Variants in PDE8B observed in about 807,000 individuals in gnomAD.
PDE8B encodes phosphodiesterase 8B.
A neutral mutation model predicts 101.3 loss-of-function variants in PDE8B; 26 were observed. That is an observed-to-expected ratio of 0.26 (90% CI 0.19 to 0.36). The LOEUF (loss-of-function observed/expected upper bound fraction) is 0.36, where lower values mean the gene tolerates loss of function less well. Among genes scored for constraint, PDE8B ranks in the 10% least tolerant of loss-of-function variants. The pLI is 1.00. For missense variants in PDE8B, 810 were observed against 1,163.1 expected (o/e 0.70, Z 4.42); for synonymous variants, 424 against 429.3 (o/e 0.99, Z 0.15).
At position 77,271,229 on chromosome 5, in the gene PDE8B, T is replaced by C. The variant is rs148224949; in HGVS notation, c.340-40765T>C. Among the ~76,000 whole-genome samples the C allele has an allele frequency of 3.9e-4, 60 of 152,352 alleles. No individual in the cohort carries two copies. The East Asian group carries it at 0.011, about 28-fold the overall frequency. On this transcript the variant is annotated intron_variant, in intron 1 of 21. Transcript: ENST00000264917. ...ACATATGGTTCCTTTTCTTTCTTCTTTGTCTTACTTGTCCTTTAAAACCTC... is the reference window on the plus strand; with the variant it reads ...ACATATGGTTCCTTTTCTTTCTTCTCTGTCTTACTTGTCCTTTAAAACCTC...
Position 77,425,815 on chromosome 5 carries a change from G to C in PDE8B, c.2467G>C (p.Asp823His). The change falls in exon 21 of 22, where the codon GAC becomes CAC. Residue 823 changes from aspartate to histidine, a missense_variant. This residue lies in a region of PDE8B where 325 missense variants were observed against 560.9 expected (regional missense o/e 0.58). Transcript: ENST00000264917. The stretch of plus-strand genomic sequence containing the variant: ...ACTACCTGTGGTGATGCCAGTGTTT[G>C]ACCGGAATACCTGTAGCATCCCCAA... ...QGLPVVMPVF[D>H]RNTCSIPKSQ... 1.2e-6 allele frequency: 2 copies of C among 1,613,110 alleles called. No individual in the cohort carries two copies. Among genetic ancestry groups the C allele is most frequent in the Non-Finnish European group, 1.7e-6 (2 of 1,179,086 alleles).
chr5:77,148,653 G>A, the PDE8B span: 1 of 152,110 alleles, frequency 6.6e-6, no homozygotes, highest in Non-Finnish European at 1.5e-5. Context: ...CTTTGCATAT[G>A]CTTGTTAGCC....
intron 2 of PDE8B, among the ~76,000 whole-genome samples, chr5:77,321,967 A>G (rs1309738344): frequency 6.6e-6 from 1 of 152,314 alleles, no homozygotes; most frequent in East Asian, 1.9e-4. Context: ...CCAGGGCCAC[A>G]CTGGGAAGCA....
At chr5:77,221,086 C>A (rs1361233757) in intron 1 of PDE8B, among the ~76,000 whole-genome samples, 4 of 152,198 alleles carry the variant, frequency 2.6e-5, no homozygotes, top group African/African-American at 9.7e-5. Flanking sequence ...TTAACTAGAA[C>A]TGTTTTTAAA....
intron 20 of PDE8B, among the ~76,000 whole-genome samples, chr5:77,423,906 G>C (rs1797305476): frequency 6.6e-6 from 1 of 151,836 alleles, no homozygotes; most frequent in Non-Finnish European, 1.5e-5. Context: ...CAAAGTGCTA[G>C]GATTACAGGC....
the PDE8B span, among the ~76,000 whole-genome samples, chr5:77,097,415 G>A: frequency 7.8e-4 from 118 of 151,982 alleles, 1 homozygote; most frequent in African/African-American, 2.7e-3. Flanking sequence ...AATTAGGAGA[G>A]TAAAGGTATT....
chr5:77,254,593 C>CA (rs1554065963), intron 1 of PDE8B, among the ~76,000 whole-genome samples: 44 of 150,590 alleles, frequency 2.9e-4, no homozygotes, highest in African/African-American at 1.0e-3. Context: ...TTTGTTTTGT[C>CA]TTTTTTTTTC....
chr5:77,278,345 A>T (rs1764242167), intron 1 of PDE8B, among the ~76,000 whole-genome samples: 1 of 152,216 alleles, frequency 6.6e-6, no homozygotes, highest in Non-Finnish European at 1.5e-5. Flanking sequence ...AGCCTTGCTC[A>T]GGATATCCAT....
At chr5:77,349,381 T>C in intron 7 of PDE8B, 38 bp from the exon 8 acceptor site, 1 of 1,613,288 alleles carries the variant, frequency 6.2e-7, no homozygotes, top group Non-Finnish European at 8.5e-7. Context: ...TTCTGTCTTG[T>C]GTCCCCGCAC....
At chr5:77,149,547 T>A in the PDE8B span, among the ~76,000 whole-genome samples, 1 of 152,208 alleles carries the variant, frequency 6.6e-6, no homozygotes, top group Admixed American at 6.5e-5. Context: ...CTTAGTAACG[T>A]TTCACAATTT....
At chr5:77,245,665 C>T (rs1029955669) in intron 1 of PDE8B, among the ~76,000 whole-genome samples, 2 of 152,186 alleles carry the variant, frequency 1.3e-5, no homozygotes, top group African/African-American at 4.8e-5. Context: ...GGGCTATGCA[C>T]TTATTTGACC....
At chr5:77,420,386 A>G (rs1224156060) in intron 19 of PDE8B, among the ~76,000 whole-genome samples, 2 of 125,924 alleles carry the variant, frequency 1.6e-5, no homozygotes, top group Non-Finnish European at 3.7e-5. Context: ...CTACTCATGT[A>G]CCTTGGACCT....
At chr5:77,325,423 C>G (rs1369114482) in intron 2 of PDE8B, 116 bp from the exon 3 acceptor site, 6 of 925,564 alleles carry the variant, frequency 6.5e-6, no homozygotes, top group Non-Finnish European at 1.1e-5. Context: ...ACTGCCTCAG[C>G]CTCCCAAAGA....
chr5:77,126,027 C>CT, the PDE8B span, among the ~76,000 whole-genome samples: 1 of 152,192 alleles, frequency 6.6e-6, no homozygotes, highest in African/African-American at 2.4e-5. Context: ...TGGCTCACGC[C>CT]TGTAATCCTA....
chr5:77,138,511 A>G, the PDE8B span, among the ~76,000 whole-genome samples: 2 of 152,126 alleles, frequency 1.3e-5, no homozygotes, highest in Non-Finnish European at 2.9e-5. Flanking sequence ...TTTCATTCTA[A>G]AGTCTACTGT....
At chr5:77,091,081 T>A in the PDE8B span, among the ~76,000 whole-genome samples, 1 of 152,224 alleles carries the variant, frequency 6.6e-6, no homozygotes, top group Non-Finnish European at 1.5e-5. Context: ...ATACTTGCTG[T>A]CTTTTGACTT....
chr5:77,226,439 T>C (rs1192941821), intron 1 of PDE8B, among the ~76,000 whole-genome samples: 1 of 152,252 alleles, frequency 6.6e-6, no homozygotes, highest in African/African-American at 2.4e-5. Flanking sequence ...AGCTGCATAG[T>C]ATACCATCAT....
chr5:77,148,498 A>T, the PDE8B span: 1 of 152,210 alleles, frequency 6.6e-6, no homozygotes, highest in Middle Eastern at 3.2e-3. Flanking sequence ...CTTATCAACA[A>T]TATATGATGG....
chr5:77,361,114 C>G (rs766141081), intron 10 of PDE8B, among the ~76,000 whole-genome samples: 9 of 152,224 alleles, frequency 5.9e-5, no homozygotes, highest in Non-Finnish European at 1.2e-4. Context: ...GTGCTCTTGA[C>G]ATTTGTACGT....
Sources: gnomAD v4.1 joint callset for allele counts (sites outside exome capture counted in the v4.1 genomes callset) on GRCh38, gnomAD v4.1.1 for gene constraint, gnomAD v4.1.1 regional missense constraint, MANE v1.5 for transcripts, NCBI Gene and HGNC (gene_info 2026-07-23, HGNC 2026-07-21) for gene names.